CNBD2: variants seen among roughly 807,000 people sequenced by gnomAD.
The protein encoded by CNBD2 is cyclic nucleotide-binding domain-containing protein 2.
CNBD2 carries 64 observed loss-of-function variants against 63.7 expected under a neutral mutation model. The ratio of observed to expected loss-of-function variants is 1.00; its 90% confidence interval spans 0.82 to 1.24. The LOEUF (loss-of-function observed/expected upper bound fraction) is 1.24. CNBD2 is among the 50% of genes most tolerant of loss of function. The pLI is 0.00. For synonymous variants in CNBD2, 229 were observed against 255.4 expected (o/e 0.90, Z 0.99); for missense variants, 691 against 713.5 (o/e 0.97, Z 0.36).
At chr20:35,993,867 CTTTTTTTTTTTTTT>C (rs58873487) in intron 7 of CNBD2, among the ~76,000 whole-genome samples, 1 of 86,476 alleles carries the variant, frequency 1.2e-5, no homozygotes, top group Non-Finnish European at 2.2e-5. Flanking sequence ...TTCAGCTAAT[CTTTTTTTTTTTTTT>C]TTTTTTTTTG....
At chr20:35,971,810 C>T (rs2056422614) in intron 1 of CNBD2, among the ~76,000 whole-genome samples, 1 of 152,168 alleles carries the variant, frequency 6.6e-6, no homozygotes, top group South Asian at 2.1e-4. Flanking sequence ...TCTAGAGCAG[C>T]CCCCATGCCT....
intron 8 of CNBD2, among the ~76,000 whole-genome samples, chr20:35,997,928 T>C (rs920372097): frequency 5.3e-5 from 8 of 152,222 alleles, no homozygotes; most frequent in Non-Finnish European, 1.2e-4. Flanking sequence ...ACCTTTAAAT[T>C]TCTCTTTTGA....
chr20:35,957,542 T>C (rs575218523), downstream of CNBD2, among the ~76,000 whole-genome samples: 77 of 152,294 alleles, frequency 5.1e-4, no homozygotes, highest in Non-Finnish European at 3.1e-4. Flanking sequence ...AAAATGTCCA[T>C]GATAAAAGTT....
intron 10 of CNBD2, among the ~76,000 whole-genome samples, chr20:36,020,354 T>A (rs866894070): frequency 6.6e-6 from 1 of 152,186 alleles, no homozygotes; most frequent in South Asian, 2.1e-4. Context: ...GTGCTGGGAT[T>A]ACAGGCATGA....
chr20:35,955,980 C>G (rs113060603), downstream of CNBD2, among the ~76,000 whole-genome samples: 760 of 152,272 alleles, frequency 5.0e-3, 2 homozygotes, highest in Non-Finnish European at 8.7e-3. Flanking sequence ...CTCAGCCTCC[C>G]AAAGTGCTGG....
At chr20:35,982,596 G>A (rs538983612) in intron 4 of CNBD2, among the ~76,000 whole-genome samples, 1 of 152,222 alleles carries the variant, frequency 6.6e-6, no homozygotes, top group East Asian at 1.9e-4. Flanking sequence ...TCCTAAGCTT[G>A]GATAAAGGCC....
At position 35,978,633 on chromosome 20, in the gene CNBD2, C is replaced by T. The variant is rs116635773; in HGVS notation, c.244-1826C>T. Among the ~76,000 whole-genome samples, 1,253 of 152,086 alleles carry T rather than the reference C, an allele frequency of 8.2e-3. 14 individuals are homozygous for T. Among genetic ancestry groups the T allele is most frequent in the African/African-American group, 0.029 (1,190 of 41,468 alleles). On this transcript the variant is annotated intron_variant, in intron 3 of 11. Coordinates refer to ENST00000373973, the MANE Select transcript of CNBD2 (RefSeq NM_001365709.1). The stretch of plus-strand genomic sequence containing the variant: ...TGCTGGGATTATAGGCAAGAGCCAC[C>T]GTGCCCGGCCCAATGCCCAGCTAAT...
intron 10 of CNBD2, among the ~76,000 whole-genome samples, chr20:36,022,399 C>T (rs1482059545): frequency 2.0e-5 from 3 of 151,610 alleles, no homozygotes; most frequent in Non-Finnish European, 4.4e-5. Context: ...GGGTTTTCAC[C>T]GTGTTCGTCA....
chr20:35,959,979 CAT>C (rs1348698445), downstream of CNBD2, among the ~76,000 whole-genome samples: 2 of 152,154 alleles, frequency 1.3e-5, no homozygotes, highest in African/African-American at 4.8e-5. Flanking sequence ...ATGTGATAAT[CAT>C]ATATTGCTTA....
chr20:36,005,774 C>T (rs143778471), intron 8 of CNBD2, among the ~76,000 whole-genome samples: 361 of 151,744 alleles, frequency 2.4e-3, no homozygotes, highest in African/African-American at 8.3e-3. Context: ...CACGGTGAAA[C>T]GCTGTCTCTA....
At chr20:36,028,983 A>AT (rs2094207391) in intron 11 of CNBD2, among the ~76,000 whole-genome samples, 1 of 152,090 alleles carries the variant, frequency 6.6e-6, no homozygotes, top group South Asian at 2.1e-4. Flanking sequence ...CCATGGGTTG[A>AT]TTTTTTAAAG....
intron 1 of CNBD2, among the ~76,000 whole-genome samples, chr20:35,969,093 C>T (rs2056376825): frequency 6.6e-6 from 1 of 152,138 alleles, no homozygotes; most frequent in African/African-American, 2.4e-5. Context: ...AGGATAGAGT[C>T]AGGGTAGCAA....
rs6142471 is a variant in CNBD2 at position 35,984,684 on chromosome 20, A to G, written c.622A>G (p.Thr208Ala). 1.1e-3 allele frequency: 1,810 copies of G among 1,614,218 alleles called. 26 individuals carry two copies. The East Asian group carries it at 0.032, about 29-fold the overall frequency. ...GTCCACCATCGTCTGTATGGAAGAA[A>G]CGGAGTTCCTGGTTGTTGACCGGGA... Reference protein sequence around the residue: ...RRSTIVCMEETEFLVVDREDF... With the variant: ...RRSTIVCMEEAEFLVVDREDF... Residue 208 changes from threonine to alanine, a missense_variant, in exon 6 of 12, where the codon ACG becomes GCG. Transcript: ENST00000373973.
chr20:35,975,881 C>T (rs2056509996), intron 2 of CNBD2, 68 bp from the exon 3 acceptor site: 3 of 1,415,230 alleles, frequency 2.1e-6, no homozygotes, highest in Middle Eastern at 1.8e-4. Flanking sequence ...GACAGGAGGG[C>T]TCTAGATGCA....
Position 36,003,874 on chromosome 20 carries a change from G to GAA in CNBD2, c.971-4409_971-4408dup, listed in dbSNP as rs111493744. On this transcript the variant is annotated intron_variant, in intron 8 of 11. Transcript: ENST00000373973. ...TGGAAAACATAGCTGGACTCCATCTGAAAAAAAAAAAAAAATCTCTTGAGG... is the reference window on the plus strand; with the variant it reads ...TGGAAAACATAGCTGGACTCCATCTGAAAAAAAAAAAAAAAAATCTCTTGAGG... Among the ~76,000 whole-genome samples the GAA allele has an allele frequency of 3.6e-4, 50 of 138,702 alleles. 1 individual carries two copies. The highest frequency in any genetic ancestry group is 9.3e-4 in the South Asian group (4 of 4,314). 91.0% of individuals were successfully genotyped at this position (138,702 alleles called of 152,430 possible).
At chr20:36,021,239 G>A (rs187712702) in intron 10 of CNBD2, among the ~76,000 whole-genome samples, 173 of 152,284 alleles carry the variant, frequency 1.1e-3, no homozygotes, top group African/African-American at 3.9e-3. Flanking sequence ...AAAGGAATGA[G>A]ATCCTGTCAT....
At position 35,975,962 on chromosome 20, in the gene CNBD2, G is replaced by A; in HGVS notation, c.203G>A (p.Ser68Asn). 1 of 1,613,256 alleles carries A rather than the reference G, an allele frequency of 6.2e-7. No homozygotes were observed. Among genetic ancestry groups the A allele is most frequent in the Non-Finnish European group, 8.5e-7 (1 of 1,179,308 alleles). The change falls in exon 3 of 12, where the codon AGC (serine) becomes AAC (asparagine). Residue 68 changes from serine to asparagine, a missense_variant. By Grantham distance (46) the Ser-to-Asn change is conservative. Transcript: ENST00000373973. The stretch of plus-strand genomic sequence containing the variant: ...TCTTTCTTTCAGAAAAAGATGCAAA[G>A]CCGAGTCACATTTGATACCATGGAC... ...IFSFWDKKMQ[S>N]RVTFDTMDFI...
chr20:36,015,774 A>G (rs2147346450), intron 10 of CNBD2, among the ~76,000 whole-genome samples: 1 of 152,370 alleles, frequency 6.6e-6, no homozygotes, highest in Admixed American at 6.5e-5. Flanking sequence ...ATTGATATAA[A>G]TGAATTAATA....
intron 8 of CNBD2, among the ~76,000 whole-genome samples, chr20:36,001,078 C>T (rs1387846951): frequency 6.6e-6 from 1 of 151,548 alleles, no homozygotes; most frequent in East Asian, 1.9e-4. Context: ...GGTCACAGAT[C>T]AACAGGATAA....
Sources: gnomAD v4.1 joint callset for allele counts (sites outside exome capture counted in the v4.1 genomes callset) on GRCh38, gnomAD v4.1.1 for gene constraint, MANE v1.5 for transcripts, NCBI Gene and HGNC (gene_info 2026-07-23, HGNC 2026-07-21) for gene names.